The following SLC25A42 variants were observed in gnomAD, a reference collection of about 807,000 sequenced individuals.
SLC25A42 encodes solute carrier family 25 member 42, also known as mitochondrial coenzyme A transporter SLC25A42.
A neutral mutation model predicts 34.7 loss-of-function variants in SLC25A42; 19 were observed. The observed-to-expected ratio is 0.55, with a 90% CI of 0.38 to 0.80. The LOEUF is 0.80. Ranked by LOEUF, SLC25A42 falls within the 30% of genes least tolerant of loss-of-function variation. The pLI, the probability that SLC25A42 is intolerant of heterozygous loss-of-function variation, is 0.00. For missense variants in SLC25A42, 364 were observed against 441.3 expected (o/e 0.82, Z 1.57); for synonymous variants, 205 against 191.2 (o/e 1.07, Z -0.59).
At chr19:19,106,208 G>T (rs1599690516) in intron 5 of SLC25A42, 61 bp from the exon 6 acceptor site, 1 of 1,430,440 alleles carries the variant, frequency 7.0e-7, no homozygotes, top group South Asian at 1.2e-5. Flanking sequence ...CTCCAGGCTG[G>T]GCCTCTGTGC....
intron 1 of SLC25A42, among the ~76,000 whole-genome samples, chr19:19,064,368 TG>T (rs950807290): frequency 6.6e-6 from 1 of 151,328 alleles, no homozygotes; most frequent in Non-Finnish European, 1.5e-5. Flanking sequence ...CCCACACCCC[TG>T]GGGCCTTGTC....
intron 6 of SLC25A42, 81 bp downstream of exon 6, chr19:19,106,466 A>G (rs565632398): frequency 7.6e-6 from 9 of 1,178,378 alleles, no homozygotes; most frequent in East Asian, 2.5e-5. Flanking sequence ...CCCTCTCTCT[A>G]TCGGGCCCCA....
chr19:19,101,732 C>T (rs371442537), intron 2 of SLC25A42, 49 bp from the exon 3 acceptor site: 331 of 1,537,380 alleles, frequency 2.2e-4, no homozygotes, highest in Non-Finnish European at 2.7e-4. Flanking sequence ...AGGTCCTCTG[C>T]GGAGCCGCCC....
At chr19:19,096,289 TC>T in intron 2 of SLC25A42, 84 bp downstream of exon 2, 1 of 821,756 alleles carries the variant, frequency 1.2e-6, no homozygotes, top group Non-Finnish European at 1.7e-6. Flanking sequence ...TGCCTCCTCC[TC>T]CCAGCCTCTG....
intron 7 of SLC25A42, 43 bp downstream of exon 7, chr19:19,108,088 A>G: frequency 6.6e-7 from 1 of 1,526,158 alleles, no homozygotes; most frequent in African/African-American, 1.4e-5. Flanking sequence ...TTCAGGAAGC[A>G]TTCCCTGGGG....
Position 19,105,644 on chromosome 19 carries a change from C to T in SLC25A42, c.297C>T (p.Arg99=), listed in dbSNP as rs2059821969. The T allele has an allele frequency of 1.9e-6, 3 of 1,613,748 alleles. No individual in the cohort carries two copies. Among genetic ancestry groups the T allele is most frequent in the Non-Finnish European group, 2.5e-6 (3 of 1,179,910 alleles). Residue 99 remains arginine (R), a synonymous_variant, in exon 5 of 8, where the codon CGC becomes CGT. Transcript: ENST00000318596. ...LWRGNSATMV[R]VVPYAAIQFS... ...GCGGGAACTCGGCCACCATGGTGCG[C>T]GTGGTGCCCTACGCCGCCATCCAGT...
chr19:19,069,751 C>T (rs1461946607), intron 1 of SLC25A42, among the ~76,000 whole-genome samples: 1 of 151,898 alleles, frequency 6.6e-6, no homozygotes, highest in Admixed American at 6.6e-5. Context: ...AACTCTTTGG[C>T]TTAAGTGATT....
intron 1 of SLC25A42, among the ~76,000 whole-genome samples, chr19:19,064,324 C>T (rs1485602327): frequency 6.6e-6 from 1 of 151,638 alleles, no homozygotes; most frequent in Non-Finnish European, 1.5e-5. Flanking sequence ...CGTTGACATC[C>T]CCCATACACT....
At chr19:19,100,635 C>A (rs982441256) in intron 2 of SLC25A42, among the ~76,000 whole-genome samples, 1 of 152,228 alleles carries the variant, frequency 6.6e-6, no homozygotes, top group Non-Finnish European at 1.5e-5. Flanking sequence ...AGAGTTCTTA[C>A]AGAACCCTGG....
intron 1 of SLC25A42, among the ~76,000 whole-genome samples, chr19:19,095,031 C>A (rs535212562): frequency 5.3e-5 from 8 of 151,812 alleles, no homozygotes; most frequent in African/African-American, 7.3e-5. Context: ...CCTAGCTCTA[C>A]TAAAAATAAA....
At chr19:19,082,079 A>C (rs1335838747) in intron 1 of SLC25A42, among the ~76,000 whole-genome samples, 1 of 152,104 alleles carries the variant, frequency 6.6e-6, no homozygotes, top group Admixed American at 6.6e-5. Flanking sequence ...TCCCCTGGCC[A>C]CTGGCCCAGT....
chr19:19,105,851 C>G, intron 5 of SLC25A42, 124 bp downstream of exon 5: 1 of 850,600 alleles, frequency 1.2e-6, no homozygotes, highest in Non-Finnish European at 1.8e-6. Context: ...CCTCTTCCCA[C>G]AACGAAACAC....
chr19:19,067,519 G>T (rs577688828), intron 1 of SLC25A42, among the ~76,000 whole-genome samples: 4 of 152,244 alleles, frequency 2.6e-5, no homozygotes, highest in Admixed American at 6.5e-5. Context: ...GGAGTTCAAT[G>T]CTGCAGTGAG....
At position 19,106,376 on chromosome 19, in the gene SLC25A42, C is replaced by A. The variant is rs746971555; in HGVS notation, c.488C>A (p.Pro163Gln). ...GTCAGAGCGCGGATGGCCGTAACCC[C>A]GAAGGAAATGTGAGTCCTTACATCG... ...DLVRARMAVT[P>Q]KEMYSNIFHV... The change falls in exon 6 of 8, where the codon CCG becomes CAG. Residue 163 changes from proline to glutamine, a missense_variant. Transcript: ENST00000318596. The A allele has an allele frequency of 6.2e-7, 1 of 1,611,436 alleles. No individual in the cohort carries two copies. The highest frequency in any genetic ancestry group is 1.3e-5 in the African/African-American group (1 of 74,864).
chr19:19,107,850 T>A (rs781034422), intron 6 of SLC25A42, 44 bp from the exon 7 acceptor site: 8 of 1,610,552 alleles, frequency 5.0e-6, no homozygotes, highest in Non-Finnish European at 6.8e-6. Context: ...TCCCTGTGCC[T>A]GGGAGGCCTG....
intron 1 of SLC25A42, among the ~76,000 whole-genome samples, chr19:19,093,708 C>T (rs1377573979): frequency 6.6e-6 from 1 of 152,132 alleles, no homozygotes; most frequent in African/African-American, 2.4e-5. Flanking sequence ...GACAGAGTCT[C>T]GCTGTGTCAC....
At chr19:19,077,295 C>G (rs2059660115) in intron 1 of SLC25A42, among the ~76,000 whole-genome samples, 1 of 152,230 alleles carries the variant, frequency 6.6e-6, no homozygotes. Flanking sequence ...GCAACCATCA[C>G]CACCATCCGT....
chr19:19,090,717 G>A (rs1321983538), intron 1 of SLC25A42, among the ~76,000 whole-genome samples: 1 of 152,150 alleles, frequency 6.6e-6, no homozygotes. Flanking sequence ...GGGGAACTTA[G>A]CAAGGCCTGT....
chr19:19,094,058 G>T (rs374441479), intron 1 of SLC25A42, among the ~76,000 whole-genome samples: 27 of 152,320 alleles, frequency 1.8e-4, no homozygotes, highest in African/African-American at 5.5e-4. Context: ...AGGCACATGC[G>T]TCCACCTGAC....
Sources: allele counts gnomAD v4.1 joint callset (sites outside exome capture counted in the v4.1 genomes callset), GRCh38; gene constraint gnomAD v4.1.1; transcripts MANE v1.5; gene names NCBI Gene and HGNC (gene_info 2026-07-23, HGNC 2026-07-21).